The following FSHR variants were observed in gnomAD, a reference collection of about 807,000 sequenced individuals.
FSHR encodes the protein follicle-stimulating hormone receptor.
In FSHR, 46 loss-of-function variants were observed where a neutral mutation model predicts 52.1. The observed-to-expected ratio is 0.88, with a 90% CI of 0.70 to 1.13. The LOEUF (loss-of-function observed/expected upper bound fraction) is 1.13, where lower values mean the gene tolerates loss of function less well. Ranked by LOEUF, FSHR falls within the 50% of genes most tolerant of loss-of-function variation. The probability of loss-of-function intolerance (pLI) is 0.00; values close to 1 mark genes in which losing one functional copy is unlikely to be tolerated. For missense variants in FSHR, 964 were observed against 834.6 expected, an observed-to-expected ratio of 1.16 and a Z score of -1.91; for synonymous variants, 399 against 309.6, an observed-to-expected ratio of 1.29 and a Z score of -3.03.
intron 4 of FSHR, among the ~76,000 whole-genome samples, chr2:49,002,557 C>T (rs922008425): frequency 6.6e-5 from 10 of 152,006 alleles, no homozygotes; most frequent in African/African-American, 2.4e-4. Flanking sequence ...ATGGTGGCAG[C>T]AAGAAGAAGT....
chr2:49,119,569 C>T (rs536558258), intron 1 of FSHR, among the ~76,000 whole-genome samples: 67 of 151,972 alleles, frequency 4.4e-4, no homozygotes, highest in Admixed American at 1.4e-3. Flanking sequence ...TGGTTTGTTT[C>T]GCTTTCTTTG....
intron 1 of FSHR, among the ~76,000 whole-genome samples, chr2:49,073,610 A>G (rs535733828): frequency 2.6e-5 from 4 of 152,196 alleles, no homozygotes; most frequent in African/African-American, 9.6e-5. Flanking sequence ...TGTTAAAATG[A>G]CTATACCACC....
intron 1 of FSHR, among the ~76,000 whole-genome samples, chr2:49,069,301 G>A (rs927082419): frequency 4.6e-5 from 7 of 152,048 alleles, no homozygotes; most frequent in African/African-American, 1.7e-4. Flanking sequence ...CACATTTGCG[G>A]TTCTCTCTGT....
intron 1 of FSHR, among the ~76,000 whole-genome samples, chr2:49,152,416 A>G (rs1002102338): frequency 6.6e-6 from 1 of 152,040 alleles, no homozygotes; most frequent in African/African-American, 2.4e-5. Context: ...TCAAAAATTC[A>G]TATCCTCTCA....
intron 1 of FSHR, among the ~76,000 whole-genome samples, chr2:49,123,778 G>A (rs1047525037): frequency 6.6e-6 from 1 of 152,106 alleles, no homozygotes; most frequent in South Asian, 2.1e-4. Flanking sequence ...CACTGGGAGA[G>A]GACAAAGCAA....
intron 2 of FSHR, among the ~76,000 whole-genome samples, chr2:49,066,230 C>T (rs1882560): frequency 0.35 from 52,648 of 151,764 alleles, 9,750 homozygotes; most frequent in East Asian, 0.49. Flanking sequence ...TTCTTTCCAA[C>T]ATGGATAGGT....
intron 8 of FSHR, among the ~76,000 whole-genome samples, chr2:48,981,616 A>G (rs562243486): frequency 2.6e-5 from 4 of 152,328 alleles, no homozygotes; most frequent in South Asian, 4.1e-4. Context: ...CAGGATGATA[A>G]ATCTACCTTG....
intron 1 of FSHR, among the ~76,000 whole-genome samples, chr2:49,075,935 T>C (rs1162301180): frequency 6.6e-6 from 1 of 152,166 alleles, no homozygotes; most frequent in Non-Finnish European, 1.5e-5. Context: ...ACACCACAGC[T>C]AGACTAACAG....
chr2:49,063,103 G>A (rs1424526239), intron 2 of FSHR, among the ~76,000 whole-genome samples: 3 of 152,104 alleles, frequency 2.0e-5, no homozygotes, highest in East Asian at 3.9e-4. Flanking sequence ...CAAATGCAAG[G>A]AGAGGCCCTA....
chr2:49,024,533 A>T (rs1294581284), intron 2 of FSHR, among the ~76,000 whole-genome samples: 1 of 152,140 alleles, frequency 6.6e-6, no homozygotes, highest in East Asian at 1.9e-4. Context: ...ACTGTGCCTA[A>T]ACTCCAGATT....
intron 8 of FSHR, among the ~76,000 whole-genome samples, chr2:48,974,405 T>C (rs1674890240): frequency 6.6e-6 from 1 of 152,212 alleles, no homozygotes; most frequent in South Asian, 2.1e-4. Flanking sequence ...TTATCACGGC[T>C]ACAAGACATA....
At chr2:49,115,901 G>A (rs1055100488) in intron 1 of FSHR, among the ~76,000 whole-genome samples, 7 of 152,162 alleles carry the variant, frequency 4.6e-5, no homozygotes, top group African/African-American at 1.4e-4. Context: ...CATAAGTGAA[G>A]GGTGGGTTAT....
At chr2:48,997,280 C>G in intron 4 of FSHR, 2 of 985,132 alleles carry the variant, frequency 2.0e-6, no homozygotes, top group Non-Finnish European at 2.4e-6. Context: ...CTCACATTTT[C>G]AAAACTAGAA....
At chr2:49,150,973 A>G (rs1673040277) in intron 1 of FSHR, among the ~76,000 whole-genome samples, 1 of 152,050 alleles carries the variant, frequency 6.6e-6, no homozygotes, top group African/African-American at 2.4e-5. Flanking sequence ...AATTATATGA[A>G]ATTCAAATTT....
chr2:48,969,191 C>T (rs1425280149), intron 8 of FSHR, among the ~76,000 whole-genome samples: 1 of 152,186 alleles, frequency 6.6e-6, no homozygotes, highest in Non-Finnish European at 1.5e-5. Context: ...TAGCCACCTT[C>T]CCTTCTACAG....
intron 2 of FSHR, among the ~76,000 whole-genome samples, chr2:49,050,900 C>G (rs531105907): frequency 6.6e-6 from 1 of 152,254 alleles, no homozygotes; most frequent in East Asian, 1.9e-4. Context: ...ATCCCTAACA[C>G]CACCCTGGGA....
rs569596621 is a variant in FSHR at position 49,134,748 on chromosome 2, C to T, written c.152+19518G>A. ...TACTATGCAGACATAAAAAATGATGCGTTCATGTCCTTTGTATGGACATGG... is the reference window on the plus strand; with the variant it reads ...TACTATGCAGACATAAAAAATGATGTGTTCATGTCCTTTGTATGGACATGG... On this transcript the variant is annotated intron_variant, in intron 1 of 9. Transcript: ENST00000406846. Among the ~76,000 whole-genome samples, 408 of 152,204 alleles carry T rather than the reference C, an allele frequency of 2.7e-3. 5 individuals are homozygous for T. The highest frequency in any genetic ancestry group is 9.4e-3 in the African/African-American group (392 of 41,564).
At chr2:49,085,765 C>G (rs1168683325) in intron 1 of FSHR, among the ~76,000 whole-genome samples, 4 of 152,108 alleles carry the variant, frequency 2.6e-5, no homozygotes, top group Non-Finnish European at 5.9e-5. Flanking sequence ...ACATATACAC[C>G]ATGGAATACT....
chr2:49,054,184 C>T (rs929493939), intron 2 of FSHR, among the ~76,000 whole-genome samples: 1 of 152,184 alleles, frequency 6.6e-6, no homozygotes, highest in Non-Finnish European at 1.5e-5. Context: ...TACCTATCTC[C>T]TGTGCAACTG....
Sources: gnomAD v4.1 joint callset for allele counts (sites outside exome capture counted in the v4.1 genomes callset) on GRCh38, gnomAD v4.1.1 for gene constraint, MANE v1.5 for transcripts, NCBI Gene and HGNC (gene_info 2026-07-23, HGNC 2026-07-21) for gene names.